Variants in PPP1R9A observed in about 807,000 individuals in gnomAD.
The protein encoded by PPP1R9A is protein phosphatase 1 regulatory subunit 9A.
Under a neutral mutation model 141.9 loss-of-function variants are expected in PPP1R9A, and 59 were observed. The observed-to-expected ratio is 0.42, with a 90% CI of 0.34 to 0.52. PPP1R9A has a LOEUF of 0.52. Ranked by LOEUF, PPP1R9A falls within the 20% of genes least tolerant of loss-of-function variation. The probability of loss-of-function intolerance (pLI) is 0.10; values close to 1 mark genes in which losing one functional copy is unlikely to be tolerated. For missense variants in PPP1R9A, 1,444 were observed against 1,611.9 expected (o/e 0.90, Z 1.78); for synonymous variants, 500 against 569.7 (o/e 0.88, Z 1.74).
rs554625321 is a variant in PPP1R9A at position 94,917,157 on chromosome 7, T to C, written c.1395+5649T>C. Reference sequence around the variant, plus strand: ...AATTGGATTTCCTTTTAAATTTTTATGTTTTATGACCTATGCTTCATAACC... The same window carrying C: ...AATTGGATTTCCTTTTAAATTTTTACGTTTTATGACCTATGCTTCATAACC... On this transcript the variant is annotated intron_variant, in intron 2 of 19. Coordinates refer to ENST00000433360, the MANE Select transcript of PPP1R9A (RefSeq NM_001166160.2). 6.6e-5 allele frequency among the ~76,000 whole-genome samples: 10 copies of C among 152,226 alleles called. No individual in the cohort carries two copies. The South Asian group carries it at 1.0e-3, about 16-fold the overall frequency.
intron 2 of PPP1R9A, among the ~76,000 whole-genome samples, chr7:95,031,204 G>A (rs1156962007): frequency 1.3e-5 from 2 of 152,148 alleles, no homozygotes; most frequent in East Asian, 3.9e-4. Context: ...TCAGTTGTAG[G>A]AGATAGTTGA....
chr7:95,287,516 C>G (rs1486458019), intron 18 of PPP1R9A, among the ~76,000 whole-genome samples: 3 of 152,086 alleles, frequency 2.0e-5, no homozygotes, highest in Non-Finnish European at 4.4e-5. Flanking sequence ...TTCATCTCCT[C>G]TCAGCTTAGT....
chr7:95,074,042 C>G (rs1353061567), intron 2 of PPP1R9A, among the ~76,000 whole-genome samples: 1 of 152,164 alleles, frequency 6.6e-6, no homozygotes, highest in East Asian at 1.9e-4. Flanking sequence ...CCCCAATTCC[C>G]ACGTTTACTA....
chr7:95,126,307 C>G (rs1346386572), intron 4 of PPP1R9A, among the ~76,000 whole-genome samples: 1 of 152,068 alleles, frequency 6.6e-6, no homozygotes, highest in Non-Finnish European at 1.5e-5. Flanking sequence ...AAGTAACTAT[C>G]CAGTAACATT....
At chr7:95,126,120 A>G (rs552618179) in intron 4 of PPP1R9A, among the ~76,000 whole-genome samples, 1 of 152,186 alleles carries the variant, frequency 6.6e-6, no homozygotes, top group South Asian at 2.1e-4. Context: ...TATTTTCACA[A>G]TTTTCACATA....
intron 16 of PPP1R9A, among the ~76,000 whole-genome samples, chr7:95,274,661 C>T (rs1802833092): frequency 6.6e-6 from 1 of 152,130 alleles, no homozygotes; most frequent in African/African-American, 2.4e-5. Context: ...TGGGCACTGT[C>T]AACTATGCTT....
At chr7:95,002,197 A>C (rs778356170) in intron 2 of PPP1R9A, among the ~76,000 whole-genome samples, 1 of 152,238 alleles carries the variant, frequency 6.6e-6, no homozygotes, top group African/African-American at 2.4e-5. Context: ...ACATGTTATT[A>C]AAAATAATGA....
intron 2 of PPP1R9A, among the ~76,000 whole-genome samples, chr7:94,944,452 C>T (rs193094797): frequency 6.8e-6 from 1 of 146,324 alleles, no homozygotes; most frequent in East Asian, 2.0e-4. Flanking sequence ...TCCACCCCCC[C>T]ACCCCCCGAT....
At chr7:94,972,528 A>G (rs755161137) in intron 2 of PPP1R9A, among the ~76,000 whole-genome samples, 1 of 151,966 alleles carries the variant, frequency 6.6e-6, no homozygotes, top group Non-Finnish European at 1.5e-5. Context: ...TCAACCTTCA[A>G]TTTGTCACAA....
At chr7:94,925,612 C>T (rs1793379677) in intron 2 of PPP1R9A, among the ~76,000 whole-genome samples, 1 of 152,132 alleles carries the variant, frequency 6.6e-6, no homozygotes, top group African/African-American at 2.4e-5. Context: ...TATTCAGATC[C>T]TGCAGACACC....
intron 4 of PPP1R9A, among the ~76,000 whole-genome samples, chr7:95,153,855 T>A (rs564721327): frequency 9.4e-4 from 143 of 152,298 alleles, no homozygotes; most frequent in Non-Finnish European, 1.7e-3. Flanking sequence ...TCTTCCTGAT[T>A]CACTCTCAGT....
intron 4 of PPP1R9A, among the ~76,000 whole-genome samples, chr7:95,143,694 G>T (rs920556572): frequency 3.9e-5 from 6 of 152,132 alleles, no homozygotes; most frequent in Non-Finnish European, 7.4e-5. Context: ...TTAGTAGGAG[G>T]CTAAGAGCTA....
intron 2 of PPP1R9A, among the ~76,000 whole-genome samples, chr7:95,043,548 T>C (rs1268172905): frequency 6.6e-6 from 1 of 152,202 alleles, no homozygotes; most frequent in East Asian, 1.9e-4. Flanking sequence ...GACCTACTTC[T>C]GCAGGCACAG....
chr7:95,252,187 A>C (rs938719461), intron 12 of PPP1R9A, 57 bp downstream of exon 12: 16 of 1,459,382 alleles, frequency 1.1e-5, no homozygotes, highest in African/African-American at 2.9e-5. Context: ...TTGGCCTTTT[A>C]TTTTTCTTTT....
intron 2 of PPP1R9A, among the ~76,000 whole-genome samples, chr7:94,915,923 C>T (rs1417512501): frequency 6.6e-6 from 1 of 152,200 alleles, no homozygotes; most frequent in Non-Finnish European, 1.5e-5. Flanking sequence ...TCCTTGGTGT[C>T]TTCAGTAGAT....
At chr7:95,257,672 C>G (rs1799791791) in intron 12 of PPP1R9A, among the ~76,000 whole-genome samples, 1 of 152,062 alleles carries the variant, frequency 6.6e-6, no homozygotes, top group South Asian at 2.1e-4. Context: ...CCTGCTCCCC[C>G]CACCCCACAA....
At chr7:95,286,029 C>T (rs1405242960) in intron 17 of PPP1R9A, among the ~76,000 whole-genome samples, 177 bp from the exon 18 acceptor site, 1 of 152,132 alleles carries the variant, frequency 6.6e-6, no homozygotes, top group Non-Finnish European at 1.5e-5. Flanking sequence ...ACCCAGAATT[C>T]CCTCAACCAG....
chr7:95,173,869 C>G (rs952314996), intron 5 of PPP1R9A, among the ~76,000 whole-genome samples: 1 of 152,048 alleles, frequency 6.6e-6, no homozygotes, highest in Non-Finnish European at 1.5e-5. Context: ...ACTGATACCA[C>G]TATGCATTGA....
At chr7:95,088,736 G>A (rs778520506) in intron 2 of PPP1R9A, among the ~76,000 whole-genome samples, 1 of 151,900 alleles carries the variant, frequency 6.6e-6, no homozygotes, top group Non-Finnish European at 1.5e-5. Context: ...ACTTTTGCCT[G>A]GGGTGATGTG....
Sources: allele counts gnomAD v4.1 joint callset (sites outside exome capture counted in the v4.1 genomes callset), GRCh38; gene constraint gnomAD v4.1.1; transcripts MANE v1.5; gene names NCBI Gene and HGNC (gene_info 2026-07-23, HGNC 2026-07-21).